GCN1: variants seen among roughly 807,000 people sequenced by gnomAD.
GCN1 encodes stalled ribosome sensor GCN1.
A neutral mutation model predicts 288.4 loss-of-function variants in GCN1; 90 were observed. The observed-to-expected ratio is 0.31, with a 90% confidence interval of 0.26 to 0.37. GCN1 has a LOEUF of 0.37. Among genes scored for constraint, GCN1 ranks in the 10% least tolerant of loss-of-function variants. The pLI, the probability that GCN1 is intolerant of heterozygous loss-of-function variation, is 1.00. For missense variants in GCN1, 2,586 were observed against 3,419.9 expected, an observed-to-expected ratio of 0.76 and a Z score of 6.08; for synonymous variants, 1,386 against 1,420.2, an observed-to-expected ratio of 0.98 and a Z score of 0.54.
Position 120,176,147 on chromosome 12 carries a change from C to T in GCN1, c.909G>A (p.Leu303=). The change falls in exon 10 of 58, where the codon CTG becomes CTA. Residue 303 remains leucine, a synonymous_variant. Coordinates refer to ENST00000300648, the MANE Select transcript of GCN1 (RefSeq NM_006836.2). The part of the protein sequence containing the change: ...SQYAMDIVKG[L]AGHLKSNSPR... Reference sequence around the variant, plus strand: ...GAGAGGGGCTGGGATACTCACCAGCCAGTCCTTTCACGATGTCCATGGCAT... The same window carrying T: ...GAGAGGGGCTGGGATACTCACCAGCTAGTCCTTTCACGATGTCCATGGCAT... 6.2e-7 allele frequency: 1 copy of T among 1,605,834 alleles called. No individual in the cohort carries two copies. The highest frequency in any genetic ancestry group is 8.5e-7 in the Non-Finnish European group (1 of 1,172,432).
At chr12:120,166,495 G>A (rs189358106) in intron 16 of GCN1, among the ~76,000 whole-genome samples, 16 of 151,516 alleles carry the variant, frequency 1.1e-4, no homozygotes, top group Admixed American at 1.1e-3. Context: ...ATGAGGTCAG[G>A]AGACCAAGAC....
In GCN1 at chr12:120,168,788, C is replaced by T. The variant is rs576565600; in HGVS notation, c.1520-488G>A. Among the ~76,000 whole-genome samples the T allele has an allele frequency of 3.4e-4, 51 of 151,856 alleles. No homozygotes were observed. The East Asian group carries it at 5.4e-3, about 16-fold the overall frequency. On this transcript the variant is annotated intron_variant, in intron 15 of 57. Transcript: ENST00000300648. Reference sequence around the variant, plus strand: ...TAATGCCGCATTTTGTCTTAAGCTACGGATATATTTCTGTATTTCCTCGCG... The same window carrying T: ...TAATGCCGCATTTTGTCTTAAGCTATGGATATATTTCTGTATTTCCTCGCG...
intron 14 of GCN1, among the ~76,000 whole-genome samples, chr12:120,172,670 T>C (rs571278798): frequency 6.6e-6 from 1 of 152,184 alleles, no homozygotes; most frequent in Non-Finnish European, 1.5e-5. Flanking sequence ...TCATCATGCC[T>C]GGCTAATTTT....
Position 120,153,335 on chromosome 12 carries a change from C to T in GCN1, c.3940G>A (p.Ala1314Thr). 6.2e-7 allele frequency: 1 copy of T among 1,614,216 alleles called. No individual in the cohort carries two copies. Among genetic ancestry groups the T allele is most frequent in the Non-Finnish European group, 8.5e-7 (1 of 1,180,024 alleles). The change falls in exon 33 of 58, where the codon GCT becomes ACT. Residue 1314 changes from alanine to threonine, a missense_variant. By Grantham distance (58) the Ala-to-Thr change is moderately conservative. Transcript: ENST00000300648. The surrounding 1 kb of genome is among the most constrained non-coding windows in gnomAD (Gnocchi z 4.4). ...AGGACCACCACACTCTGTCGCACAG[C>T]ATCATAGCTGGCATCATTGGGCGCG... ...KNAPNDASYD[A>T]VRQSVVVLMG... is the part of the protein sequence containing the mutation.
At chr12:120,132,051 G>T (rs755740460) in intron 53 of GCN1, 29 bp from the exon 54 acceptor site, 3 of 1,439,500 alleles carry the variant, frequency 2.1e-6, no homozygotes, top group Admixed American at 3.8e-5. Context: ...GAGTGAGGGG[G>T]TGCAGGGAAC....
chr12:120,136,767 A>C (rs377583315), intron 50 of GCN1, 35 bp from the exon 51 acceptor site: 167 of 1,527,796 alleles, frequency 1.1e-4, no homozygotes, highest in South Asian at 7.1e-4. Flanking sequence ...GTCAAATCTC[A>C]AACACCCTGG....
At chr12:120,173,283 G>A (rs1180987332) in intron 14 of GCN1, among the ~76,000 whole-genome samples, 6 of 152,146 alleles carry the variant, frequency 3.9e-5, no homozygotes, top group African/African-American at 1.4e-4. Flanking sequence ...CCTGCCCTCA[G>A]GTGATCTGCC....
intron 22 of GCN1, 36 bp from the exon 23 acceptor site, chr12:120,160,291 C>T (rs775365117): frequency 4.2e-6 from 6 of 1,419,288 alleles, no homozygotes; most frequent in African/African-American, 4.2e-5. Context: ...ATCCCATCTC[C>T]AGGGAACAGA....
chr12:120,153,441 A>C lies in GCN1; in HGVS notation c.3868-34T>G. The C allele has an allele frequency of 6.3e-7, 1 of 1,587,632 alleles. No homozygotes were observed. The highest frequency in any genetic ancestry group is 1.1e-5 in the South Asian group (1 of 89,792). ...CCAAACCCCTCAGAGCCTCAGGTCA[A>C]CCCTACAGGCTGCATCTGGGGACAA... On this transcript the variant is annotated intron_variant, in intron 32 of 57. Coordinates refer to ENST00000300648, the MANE Select transcript of GCN1 (RefSeq NM_006836.2). The surrounding 1 kb of genome is among the most constrained non-coding windows in gnomAD (Gnocchi z 4.4).
At chr12:120,168,468 C>A (rs1878204121) in intron 15 of GCN1, 168 bp from the exon 16 acceptor site, 1 of 581,526 alleles carries the variant, frequency 1.7e-6, no homozygotes, top group African/African-American at 1.9e-5. Context: ...TCTGGTATCA[C>A]CTCCTGTACG....
intron 5 of GCN1, among the ~76,000 whole-genome samples, chr12:120,180,771 G>C (rs1462984737): frequency 1.3e-4 from 19 of 150,068 alleles, no homozygotes; most frequent in Non-Finnish European, 2.8e-4. Context: ...GGCGGATCAC[G>C]AGGTCAGGAG....
In GCN1 at chr12:120,153,657, A is replaced by G; in HGVS notation, c.3867+87T>C. The G allele has an allele frequency of 7.6e-7, 1 of 1,309,504 alleles. No homozygotes were observed. The highest frequency in any genetic ancestry group is 1.1e-6 in the Non-Finnish European group (1 of 927,234). 81.1% of individuals were successfully genotyped at this position (1,309,504 alleles called of 1,614,324 possible). On this transcript the variant is annotated intron_variant, in intron 32 of 57. Transcript: ENST00000300648. This position sits in a 1 kb window ranked among gnomAD's most constrained non-coding sequence, Gnocchi z 4.4. ...CACTCAGCATTTCTGGCCCCTGCTC[A>G]GCCCTAGCGCCTGCCTCCCGTGTCT... is the stretch of plus-strand genomic sequence containing the variant.
At chr12:120,174,021 C>G in intron 13 of GCN1, 50 bp downstream of exon 13, 1 of 1,216,510 alleles carries the variant, frequency 8.2e-7, no homozygotes. Flanking sequence ...TGAAAAACCA[C>G]GGTCAAGGAT....
In GCN1 at chr12:120,156,994, TA is replaced by T; in HGVS notation, c.3088-3del. On this transcript the variant is annotated splice_polypyrimidine_tract_variant and splice_region_variant and intron_variant, in intron 26 of 57. Transcript: ENST00000300648. The surrounding 1 kb of genome is among the most constrained non-coding windows in gnomAD (Gnocchi z 5.8). ...GCGAGGCAGCAACTCCGGGCCATTC[TA>T]GGAGAGAACGGCAGGTAAGTCGAGA... The T allele has an allele frequency of 6.2e-7, 1 of 1,609,728 alleles. No individual in the cohort carries two copies. Among genetic ancestry groups the T allele is most frequent in the Non-Finnish European group, 8.5e-7 (1 of 1,176,120 alleles).
intron 44 of GCN1, 79 bp from the exon 45 acceptor site, chr12:120,141,102 C>A: frequency 8.5e-7 from 1 of 1,182,198 alleles, no homozygotes; most frequent in East Asian, 2.3e-5. Flanking sequence ...GAATGAGGGC[C>A]CTGAAACCTC....
At position 120,142,389 on chromosome 12, in the gene GCN1, A is replaced by AT; in HGVS notation, c.5829+117dup. The AT allele has an allele frequency of 1.4e-6, 1 of 690,500 alleles. No homozygotes were observed. The allele number at this position is 690,500 out of a possible 1,614,324, so 42.8% of individuals were successfully genotyped here. A position where few individuals can be genotyped will look rare whatever the true frequency, so the allele number is the denominator to read the frequency against. On this transcript the variant is annotated intron_variant, in intron 44 of 57. Transcript: ENST00000300648. The surrounding 1 kb of genome is among the most constrained non-coding windows in gnomAD (Gnocchi z 4.9). ...GCAGAATGACTAAGTAAAGAACACA[A>AT]TGTCCCTCTGTTAGGCAGGGTGGAT...
At chr12:120,143,648 T>A (rs1365033691) in intron 42 of GCN1, among the ~76,000 whole-genome samples, 1 of 152,072 alleles carries the variant, frequency 6.6e-6, no homozygotes, top group Non-Finnish European at 1.5e-5. Context: ...AACCTCCAAT[T>A]TTTCAAATGG....
chr12:120,136,544 C>G lies in GCN1; in HGVS notation c.6966G>C (p.Val2322=). 6.2e-7 allele frequency: 1 copy of G among 1,614,226 alleles called. No individual in the cohort carries two copies. Among genetic ancestry groups the G allele is most frequent in the Non-Finnish European group, 8.5e-7 (1 of 1,180,040 alleles). ...TGAGTGTCTCGAGCAGAGCCGCCTT[C>G]ACATTCCAGCTGAACCTGTCCCCCA... ...RILGDRFSWN[V]KAALLETLSL... Residue 2322 remains valine, a synonymous_variant, in exon 51 of 58, where the codon GTG becomes GTC. Transcript: ENST00000300648.
At chr12:120,150,694 T>A (rs1258461828) in intron 34 of GCN1, among the ~76,000 whole-genome samples, 5 of 151,824 alleles carry the variant, frequency 3.3e-5, no homozygotes, top group Non-Finnish European at 7.4e-5. Context: ...TCCCAGCACT[T>A]TGGGAGGCTG....
Sources: allele counts gnomAD v4.1 joint callset (sites outside exome capture counted in the v4.1 genomes callset), GRCh38; gene constraint gnomAD v4.1.1; non-coding constraint Gnocchi (gnomAD v3.1); transcripts MANE v1.5; gene names NCBI Gene and HGNC (gene_info 2026-07-23, HGNC 2026-07-21).